The following TENM1 variants were observed in gnomAD, a reference collection of about 807,000 sequenced individuals.
The protein encoded by TENM1 is teneurin transmembrane protein 1, also known as teneurin-1.
Under a neutral mutation model 174.8 loss-of-function variants are expected in TENM1, and 35 were observed. The observed-to-expected ratio is 0.20, with a 90% CI of 0.15 to 0.27. The LOEUF is 0.27. Ranked by LOEUF, TENM1 falls within the 10% of genes least tolerant of loss-of-function variation. The pLI is 1.00. For synonymous variants in TENM1, 781 were observed against 798.7 expected (o/e 0.98, Z 0.37); for missense variants, 1,633 against 2,130.1 (o/e 0.77, Z 4.59).
exon 27 of TENM1, chrX:124,405,160 C>T (rs753323585): frequency 1.7e-6 from 2 of 1,209,703 alleles, no homozygotes; most frequent in Non-Finnish European, 2.2e-6. Flanking sequence ...GGTTGACTGC[C>T]CCTGCCAGGA....
Position 124,816,895 on chromosome X carries a change from A to T in TENM1, c.535+77401T>A, listed in dbSNP as rs757785323. Among the ~76,000 whole-genome samples the T allele has an allele frequency of 1.7e-4, 19 of 110,257 alleles. No homozygotes were observed. In the East Asian group the frequency reaches 2.3e-3, roughly 13 times the overall value. Reference sequence around the variant, plus strand: ...GTTCCTATTTCTTTTTTTAAAATTTAAAAAAAATTATACTTTAAGTTCTGG... The same window carrying T: ...GTTCCTATTTCTTTTTTTAAAATTTTAAAAAAATTATACTTTAAGTTCTGG... On this transcript the variant is annotated intron_variant, in intron 3 of 31. Coordinates refer to ENST00000422452, the Ensembl canonical transcript of TENM1.
At chrX:124,974,890 A>C in the TENM1 span, among the ~76,000 whole-genome samples, 1 of 94,938 alleles carries the variant, frequency 1.1e-5, no homozygotes, top group Non-Finnish European at 2.1e-5. Flanking sequence ...GACTGACACT[A>C]TATATATATA....
chrX:124,544,461 C>T (rs1368266981), intron 15 of TENM1, among the ~76,000 whole-genome samples: 1 of 112,205 alleles, frequency 8.9e-6, no homozygotes, highest in Non-Finnish European at 1.9e-5. Flanking sequence ...TTAAATAACA[C>T]ATGTAAAAGT....
intron 3 of TENM1, among the ~76,000 whole-genome samples, chrX:124,754,793 C>T (rs767163839): frequency 3.6e-4 from 38 of 105,163 alleles, no homozygotes; most frequent in Non-Finnish European, 5.2e-4. Context: ...TGTAGTTGAG[C>T]GGTTTTGAGT....
chrX:124,583,136 C>T (rs1327120902), intron 11 of TENM1, among the ~76,000 whole-genome samples: 1 of 111,525 alleles, frequency 9.0e-6, no homozygotes, highest in African/African-American at 3.3e-5. Flanking sequence ...CAGCAGTAAC[C>T]TCTGCAGACT....
exon 8 of TENM1, chrX:124,652,063 T>A (rs1246246925): frequency 8.3e-7 from 1 of 1,209,650 alleles, no homozygotes; most frequent in Non-Finnish European, 1.1e-6. Context: ...CTGTGTATCA[T>A]CAGAGCCCTT....
the TENM1 span, among the ~76,000 whole-genome samples, chrX:125,022,888 G>C: frequency 4.5e-5 from 5 of 111,391 alleles, no homozygotes; most frequent in East Asian, 1.1e-3. Flanking sequence ...CTTATGTTCA[G>C]TAATCATCTG....
chrX:124,904,071 G>C (rs767469309), intron 1 of TENM1, among the ~76,000 whole-genome samples: 10 of 110,271 alleles, frequency 9.1e-5, no homozygotes, highest in Non-Finnish European at 1.3e-4. Flanking sequence ...GTGTGTGTGC[G>C]TGTGTGTGTG....
the TENM1 span, among the ~76,000 whole-genome samples, chrX:125,137,764 G>T: frequency 9.0e-6 from 1 of 110,846 alleles, no homozygotes; most frequent in Non-Finnish European, 1.9e-5. Flanking sequence ...CAAGTGCTTG[G>T]CAACCTTCTT....
the TENM1 span, among the ~76,000 whole-genome samples, chrX:125,172,615 TCTA>T: frequency 9.0e-6 from 1 of 111,172 alleles, no homozygotes; most frequent in South Asian, 3.8e-4. Flanking sequence ...CTTGAGTAAA[TCTA>T]CTGCATTTGA....
chrX:124,532,760 A>C (rs2148077126), intron 15 of TENM1, among the ~76,000 whole-genome samples: 1 of 112,047 alleles, frequency 8.9e-6, no homozygotes, highest in East Asian at 2.8e-4. Context: ...TACATTTATC[A>C]GTATTGAACT....
intron 21 of TENM1, among the ~76,000 whole-genome samples, chrX:124,483,494 C>T (rs1464140976): frequency 9.0e-6 from 1 of 111,684 alleles, no homozygotes; most frequent in Non-Finnish European, 1.9e-5. Flanking sequence ...TTCTTTCCAC[C>T]ATTTCCCACA....
intron 17 of TENM1, 62 bp from the exon 21 acceptor site, chrX:124,520,846 G>A (rs1482520732): frequency 2.5e-5 from 26 of 1,020,378 alleles, no homozygotes; most frequent in Non-Finnish European, 3.2e-5. Flanking sequence ...AGGTAGATGA[G>A]GATATTGCAT....
At chrX:125,089,378 A>C in the TENM1 span, among the ~76,000 whole-genome samples, 1 of 111,917 alleles carries the variant, frequency 8.9e-6, no homozygotes, top group East Asian at 2.8e-4. Flanking sequence ...ATTCAACTAA[A>C]TTCCAAAAAA....
chrX:124,623,470 GT>G (rs763120149), intron 11 of TENM1, among the ~76,000 whole-genome samples: 3 of 111,744 alleles, frequency 2.7e-5, no homozygotes, highest in African/African-American at 9.7e-5. Context: ...GAGATCAAAT[GT>G]TATTTGTACT....
At chrX:124,782,941 TTAAA>T in intron 3 of TENM1, among the ~76,000 whole-genome samples, 1 of 112,146 alleles carries the variant, frequency 8.9e-6, no homozygotes, top group East Asian at 2.8e-4. Context: ...TTGACTTGAC[TTAAA>T]TAAGGAAAAA....
chrX:124,792,964 C>T (rs2055213018), intron 3 of TENM1, among the ~76,000 whole-genome samples: 1 of 111,554 alleles, frequency 9.0e-6, no homozygotes, highest in Admixed American at 9.6e-5. Context: ...AAATTAAAAC[C>T]CTATCATTAA....
At chrX:124,517,827 AAAT>A (rs1236289633) in intron 18 of TENM1, among the ~76,000 whole-genome samples, 1 of 22,888 alleles carries the variant, frequency 4.4e-5, no homozygotes, top group Non-Finnish European at 7.5e-5. Flanking sequence ...ATAAATAAAT[AAAT>A]AATAAATTAA....
intron 11 of TENM1, among the ~76,000 whole-genome samples, chrX:124,638,760 A>C (rs73634526): frequency 0.034 from 3,785 of 111,377 alleles, 150 homozygotes; most frequent in African/African-American, 0.12. Flanking sequence ...AGATGCCTAC[A>C]ACACAGCATG....
Sources: allele counts gnomAD v4.1 joint callset (sites outside exome capture counted in the v4.1 genomes callset), GRCh38; gene constraint gnomAD v4.1.1; transcripts MANE v1.5; gene names NCBI Gene and HGNC (gene_info 2026-07-23, HGNC 2026-07-21).